OR51B5: variants seen among roughly 807,000 people sequenced by gnomAD.
The protein encoded by OR51B5 is olfactory receptor family 51 subfamily B member 5, also known as olfactory receptor 51B5.
For missense variants in OR51B5, 456 were observed against 374.6 expected (o/e 1.22, Z -1.79); for synonymous variants, 186 against 144.8 (o/e 1.28, Z -2.04).
chr11:5,371,564 T>C (rs929104934), intron 1 of OR51B5, among the ~76,000 whole-genome samples: 6 of 152,126 alleles, frequency 3.9e-5, no homozygotes, highest in African/African-American at 1.4e-4. Flanking sequence ...GGAAATAACA[T>C]GAAGGACCCT....
intron 1 of OR51B5, chr11:5,422,405 G>A (rs1486970603): frequency 6.2e-7 from 1 of 1,613,952 alleles, no homozygotes; most frequent in African/African-American, 1.3e-5. Context: ...CTCCATGCTG[G>A]CCCTGACGGA....
intron 1 of OR51B5, among the ~76,000 whole-genome samples, chr11:5,483,225 GA>G (rs1851450139): frequency 6.8e-6 from 1 of 147,882 alleles, no homozygotes; most frequent in Non-Finnish European, 1.5e-5. Context: ...GATGAAATTG[GA>G]AATCATCATT....
rs192364609 is a variant in OR51B5 at position 5,493,210 on chromosome 11, A to G, written n.84+12359T>C. The stretch of plus-strand genomic sequence containing the variant: ...ATATAGGAACAGAATGAAGATATGT[A>G]TAATTAGTCCACCCCATCTCACTGG... On this transcript the variant is annotated intron_variant and non_coding_transcript_variant, in intron 1 of 4. Coordinates refer to the OR51B5 transcript ENST00000415970. 4.4e-4 allele frequency among the ~76,000 whole-genome samples: 67 copies of G among 152,304 alleles called. No homozygotes were observed. In the East Asian group the frequency reaches 0.011, roughly 25 times the overall value.
rs149728699 is a variant in OR51B5, at chr11:5,363,974, G to A, written n.85-17064C>T. ...GGAGAAGCTTGTGTTAGGAATGGAAGAATGCCTGGGCTGGAGAACAGGGCT... is the reference window on the plus strand; with the variant it reads ...GGAGAAGCTTGTGTTAGGAATGGAAAAATGCCTGGGCTGGAGAACAGGGCT... On this transcript the variant is annotated intron_variant and non_coding_transcript_variant, in intron 1 of 4. Transcript: ENST00000415970. Among the ~76,000 whole-genome samples the A allele has an allele frequency of 3.7e-3, 558 of 152,286 alleles. 3 individuals carry two copies. The highest frequency in any genetic ancestry group is 4.4e-3 in the Non-Finnish European group (297 of 68,020).
chr11:5,479,740 C>G (rs1851384857), intron 1 of OR51B5, among the ~76,000 whole-genome samples: 1 of 145,102 alleles, frequency 6.9e-6, no homozygotes, highest in African/African-American at 2.5e-5. Context: ...GACTTTAAAC[C>G]AACAAAGATC....
intron 1 of OR51B5, among the ~76,000 whole-genome samples, chr11:5,361,761 G>GA (rs1849288746): frequency 1.7e-5 from 1 of 58,948 alleles, no homozygotes; most frequent in Non-Finnish European, 4.1e-5. Flanking sequence ...ATCTAGTTAG[G>GA]AAAAAATCAA....
upstream of OR51B5, among the ~76,000 whole-genome samples, chr11:5,343,801 A>C (rs1336128517): frequency 4.6e-5 from 7 of 152,336 alleles, no homozygotes; most frequent in African/African-American, 1.4e-4. Flanking sequence ...TCTTCAGAAA[A>C]AAAATTATGT....
At chr11:5,384,751 C>T (rs1387306909) in intron 1 of OR51B5, among the ~76,000 whole-genome samples, 1 of 152,112 alleles carries the variant, frequency 6.6e-6, no homozygotes, top group Non-Finnish European at 1.5e-5. Context: ...TAGAAAAGAC[C>T]CCATCCTCAA....
intron 1 of OR51B5, among the ~76,000 whole-genome samples, chr11:5,464,937 T>C (rs1851114671): frequency 6.6e-6 from 1 of 152,126 alleles, no homozygotes. Flanking sequence ...CTGGGCGCGG[T>C]GGCTCACGCC....
At chr11:5,362,437 C>T (rs1278764797) in intron 1 of OR51B5, among the ~76,000 whole-genome samples, 1 of 152,056 alleles carries the variant, frequency 6.6e-6, no homozygotes, top group Non-Finnish European at 1.5e-5. Context: ...AGTTGTTGAG[C>T]CTTATAATGA....
intron 1 of OR51B5, chr11:5,389,661 C>T (rs375050550): frequency 3.1e-6 from 5 of 1,613,602 alleles, no homozygotes; most frequent in Non-Finnish European, 4.2e-6. Context: ...CTGTGTGTGT[C>T]CACGTTGCCC....
chr11:5,369,621 A>C (rs976464465), intron 1 of OR51B5, among the ~76,000 whole-genome samples: 2 of 152,102 alleles, frequency 1.3e-5, no homozygotes, highest in Non-Finnish European at 2.9e-5. Context: ...TAAAGTAAAG[A>C]CCTTTTATCC....
chr11:5,371,862 T>C (rs911719170), intron 1 of OR51B5, among the ~76,000 whole-genome samples: 4 of 152,298 alleles, frequency 2.6e-5, no homozygotes, highest in East Asian at 3.9e-4. Flanking sequence ...TTATTTATCC[T>C]ATACAGCTGC....
intron 1 of OR51B5, among the ~76,000 whole-genome samples, chr11:5,382,811 TG>T (rs1564794670): frequency 6.6e-6 from 1 of 152,196 alleles, no homozygotes; most frequent in African/African-American, 2.4e-5. Flanking sequence ...CACTTCTGTC[TG>T]GGTGTGGTCT....
chr11:5,357,631 C>G (rs912341422), intron 1 of OR51B5, among the ~76,000 whole-genome samples: 20 of 151,648 alleles, frequency 1.3e-4, no homozygotes, highest in Middle Eastern at 3.4e-3. Context: ...CAGCTCTGCA[C>G]CAAGCGGACC....
chr11:5,470,857 A>G (rs1851217952), intron 1 of OR51B5, among the ~76,000 whole-genome samples: 1 of 152,196 alleles, frequency 6.6e-6, no homozygotes, highest in African/African-American at 2.4e-5. Context: ...CCTGAGGATC[A>G]CCCAGCTTAG....
chr11:5,361,031 C>T (rs1476163626), intron 1 of OR51B5, among the ~76,000 whole-genome samples: 1 of 151,892 alleles, frequency 6.6e-6, no homozygotes, highest in African/African-American at 2.4e-5. Context: ...AGGAGATATA[C>T]CTAATGCTAA....
chr11:5,472,080 G>A (rs1466479627), intron 1 of OR51B5, among the ~76,000 whole-genome samples: 2 of 151,882 alleles, frequency 1.3e-5, no homozygotes, highest in East Asian at 1.9e-4. Context: ...TGAGTTAATC[G>A]CACTGAGGCA....
exon 1 of OR51B5, chr11:5,342,994 G>A (rs1253756202): frequency 6.2e-7 from 1 of 1,613,164 alleles, no homozygotes; most frequent in Non-Finnish European, 8.5e-7. Flanking sequence ...CCTGGTGAAG[G>A]CAGAATGCAT....
Sources: allele counts gnomAD v4.1 joint callset (sites outside exome capture counted in the v4.1 genomes callset), GRCh38; gene constraint gnomAD v4.1.1; transcripts MANE v1.5; gene names NCBI Gene and HGNC (gene_info 2026-07-23, HGNC 2026-07-21).